Variants in HACL1 observed in about 807,000 individuals in gnomAD.
The protein encoded by HACL1 is 2-hydroxyacyl-CoA lyase 1, also known as 1600020H07Rik.
Under a neutral mutation model 74.2 loss-of-function variants are expected in HACL1, and 64 were observed. The observed-to-expected ratio is 0.86, with a 90% confidence interval of 0.70 to 1.06. The LOEUF (loss-of-function observed/expected upper bound fraction) is 1.06, where lower values mean the gene tolerates loss of function less well. Among genes scored for constraint, HACL1 ranks in the 50% least tolerant of loss-of-function variants. The pLI, the probability that HACL1 is intolerant of heterozygous loss-of-function variation, is 0.00. For missense variants in HACL1, 728 were observed against 719.7 expected, an observed-to-expected ratio of 1.01 and a Z score of -0.13; for synonymous variants, 230 against 238.8, an observed-to-expected ratio of 0.96 and a Z score of 0.34.
intron 10 of HACL1, among the ~76,000 whole-genome samples, chr3:15,574,468 A>T (rs2063589400): frequency 6.6e-6 from 1 of 152,198 alleles, no homozygotes. Flanking sequence ...CACACCAGTA[A>T]AGAAAATGGC....
intron 2 of HACL1, among the ~76,000 whole-genome samples, chr3:15,598,021 G>T (rs9818770): frequency 0.028 from 3,923 of 140,336 alleles, 167 homozygotes; most frequent in African/African-American, 0.09. Context: ...GTTTTGTTTT[G>T]TTTTTTTTTT....
At chr3:15,567,166 GTA>G (rs2063449007) in intron 14 of HACL1, among the ~76,000 whole-genome samples, 1 of 140,908 alleles carries the variant, frequency 7.1e-6, no homozygotes, top group Non-Finnish European at 1.5e-5. Flanking sequence ...GATAGAACCA[GTA>G]TTTAAATCCA....
Position 15,600,886 on chromosome 3 carries a change from T to C in HACL1, c.186+204A>G, listed in dbSNP as rs2064206191. 6.6e-6 allele frequency: 4 copies of C among 608,436 alleles called. No homozygotes were observed. The South Asian group carries it at 7.5e-5, about 11-fold the overall frequency. The allele number at this position is 608,436 out of a possible 1,614,324, so 37.7% of individuals were successfully genotyped here. A position where few individuals can be genotyped will look rare whatever the true frequency, so the allele number is the denominator to read the frequency against. ...CCTGGCTCTGCTACTACCAGCTGTG[T>C]CACCAAAGGCAAGTTTTACTTAACC... On this transcript the variant is annotated intron_variant, in intron 2 of 16. Coordinates refer to ENST00000321169, the MANE Select transcript of HACL1 (RefSeq NM_012260.4).
chr3:15,591,591 T>C lies in HACL1; in HGVS notation c.308+9A>G, dbSNP rs2063895549. 10 of 1,519,688 alleles carry C rather than the reference T, an allele frequency of 6.6e-6. No homozygotes were observed. Among genetic ancestry groups the C allele is most frequent in the East Asian group, 2.3e-5 (1 of 44,396 alleles). 94.1% of individuals were successfully genotyped at this position (1,519,688 alleles called of 1,614,324 possible). A position where few individuals can be genotyped will look rare whatever the true frequency, so the allele number is the denominator to read the frequency against. ...AAGAAAATGTTTTCAGTAATAATAA[T>C]GTCATTACCAGCAGTTCATGTTTGC... On this transcript the variant is annotated intron_variant, in intron 4 of 16. Coordinates refer to ENST00000321169, the MANE Select transcript of HACL1 (RefSeq NM_012260.4).
chr3:15,565,354 A>G (rs1049900025), intron 14 of HACL1, among the ~76,000 whole-genome samples: 1 of 152,126 alleles, frequency 6.6e-6, no homozygotes, highest in Non-Finnish European at 1.5e-5. Context: ...GTACCTTTCT[A>G]TTTACTGAGC....
rs755145934 is a variant in HACL1, at chr3:15,573,194, TA to T, written c.957del (p.Thr320LeufsTer3). The T allele has an allele frequency of 6.2e-7, 1 of 1,611,184 alleles. No homozygotes were observed. The highest frequency in any genetic ancestry group is 1.1e-5 in the South Asian group (1 of 91,024). On this transcript the variant is annotated frameshift_variant, in exon 11 of 17. Transcript: ENST00000321169. LOFTEE classifies it high-confidence loss of function. ...EELGNNVKPA[V>X]TLLGNIHAVT... ...ACAGCATGTATGTTTCCTAGCAAAG[TA>T]ACAGCGGGCTTTACATTATTCCCCA...
intron 8 of HACL1, among the ~76,000 whole-genome samples, chr3:15,581,950 T>C (rs1212844572): frequency 6.6e-6 from 1 of 152,236 alleles, no homozygotes; most frequent in Non-Finnish European, 1.5e-5. Flanking sequence ...TTGAGGTAGT[T>C]AATATCCCTA....
intron 12 of HACL1, 76 bp downstream of exon 12, chr3:15,571,592 C>T: frequency 1.3e-6 from 1 of 786,466 alleles, no homozygotes; most frequent in Admixed American, 1.8e-5. Context: ...TTTAGGAATG[C>T]ACATGTCACA....
chr3:15,573,491 T>C (rs2063572207), intron 10 of HACL1, among the ~76,000 whole-genome samples: 1 of 152,228 alleles, frequency 6.6e-6, no homozygotes, highest in African/African-American at 2.4e-5. Context: ...TGCTTCATTA[T>C]ACCCATAGGG....
At chr3:15,597,220 A>C (rs2064082898) in intron 2 of HACL1, among the ~76,000 whole-genome samples, 1 of 152,224 alleles carries the variant, frequency 6.6e-6, no homozygotes, top group African/African-American at 2.4e-5. Flanking sequence ...ACAAAATACC[A>C]AAAAGTATGT....
At chr3:15,598,492 T>A (rs2064114758) in intron 2 of HACL1, among the ~76,000 whole-genome samples, 1 of 152,152 alleles carries the variant, frequency 6.6e-6, no homozygotes, top group South Asian at 2.1e-4. Context: ...GCTCTAAATC[T>A]CTGTTTCTTC....
intron 9 of HACL1, among the ~76,000 whole-genome samples, chr3:15,576,768 T>A (rs1215051118): frequency 1.3e-5 from 2 of 152,214 alleles, no homozygotes; most frequent in Non-Finnish European, 2.9e-5. Flanking sequence ...CCATACAGGA[T>A]CTGTATCTAC....
chr3:15,585,041 T>C (rs2063770636), intron 7 of HACL1, among the ~76,000 whole-genome samples: 1 of 152,230 alleles, frequency 6.6e-6, no homozygotes, highest in South Asian at 2.1e-4. Flanking sequence ...AGTATTTGGT[T>C]TAGTAATTAA....
At chr3:15,593,537 G>A (rs1023579463) in intron 3 of HACL1, among the ~76,000 whole-genome samples, 5 of 151,688 alleles carry the variant, frequency 3.3e-5, no homozygotes, top group South Asian at 2.1e-4. Flanking sequence ...GAAAGATATC[G>A]GATTTCTTGT....
chr3:15,572,803 C>T (rs376562683), intron 11 of HACL1, among the ~76,000 whole-genome samples: 101 of 152,348 alleles, frequency 6.6e-4, no homozygotes, highest in African/African-American at 2.4e-3. Context: ...AGTGCTAAGC[C>T]ATTCTTGCCA....
rs914179776 is a variant in HACL1, at chr3:15,571,472, TTCTTA to T, written c.1095+191_1095+195del. 1.5e-3 allele frequency among the ~76,000 whole-genome samples: 225 copies of T among 152,222 alleles called. 1 individual carries two copies. The highest frequency in any genetic ancestry group is 4.0e-4 in the Non-Finnish European group (27 of 68,020). On this transcript the variant is annotated intron_variant, in intron 12 of 16. Coordinates refer to ENST00000321169, the MANE Select transcript of HACL1 (RefSeq NM_012260.4). ...CATTTAACACGTTTAAAACATTAGG[TTCTTA>T]TCTTATTTTTATGTTACACAAAGTT...
intron 12 of HACL1, among the ~76,000 whole-genome samples, chr3:15,570,969 CTTAATAG>C (rs1347622225): frequency 3.3e-5 from 5 of 151,500 alleles, no homozygotes; most frequent in Non-Finnish European, 5.9e-5. Flanking sequence ...AAAAAAACCA[CTTAATAG>C]TTAATTTGTT....
chr3:15,595,227 C>A (rs2064034395), intron 3 of HACL1, among the ~76,000 whole-genome samples: 1 of 152,006 alleles, frequency 6.6e-6, no homozygotes, highest in Non-Finnish European at 1.5e-5. Context: ...TAAATGCTTT[C>A]CAAGCTAAAT....
chr3:15,565,717 A>G (rs1350015522), intron 14 of HACL1, among the ~76,000 whole-genome samples: 1 of 152,242 alleles, frequency 6.6e-6, no homozygotes, highest in East Asian at 1.9e-4. Flanking sequence ...TAACTTCCCC[A>G]TAAGTCATCT....
Sources: allele counts gnomAD v4.1 joint callset (sites outside exome capture counted in the v4.1 genomes callset), GRCh38; gene constraint gnomAD v4.1.1; transcripts MANE v1.5; gene names NCBI Gene and HGNC (gene_info 2026-07-23, HGNC 2026-07-21).